Variants in DCHS2 observed in about 807,000 individuals in gnomAD.
DCHS2 encodes the protein dachsous cadherin-related 2.
In DCHS2, 142 loss-of-function variants were observed where a neutral mutation model predicts 182.4. The observed-to-expected ratio is 0.78, with a 90% CI of 0.68 to 0.89. DCHS2 has a LOEUF of 0.89. Among genes scored for constraint, DCHS2 ranks in the 40% least tolerant of loss-of-function variants. DCHS2 has a pLI of 0.00. For synonymous variants in DCHS2, 1,740 were observed against 1,663.3 expected (o/e 1.05, Z -1.12); for missense variants, 4,319 against 4,198.6 (o/e 1.03, Z -0.79).
Position 154,333,362 on chromosome 4 carries a change from G to C in DCHS2, c.2846C>G (p.Thr949Arg), listed in dbSNP as rs757604120. 6.2e-7 allele frequency: 1 copy of C among 1,614,170 alleles called. No homozygotes were observed. Among genetic ancestry groups the C allele is most frequent in the Non-Finnish European group, 8.5e-7 (1 of 1,180,032 alleles). The change falls in exon 5 of 20, where the codon ACG (threonine) becomes AGG (arginine). Residue 949 changes from threonine (T) to arginine (R), a missense_variant. Transcript: ENST00000357232. ...DHETQPVVVL[T>R]VQAQLGSAPA... ...GGCGCTGCCGAGCTGCGCCTGCACC[G>C]TGAGCACAACCACGGGCTGCGTCTC...
Position 154,332,815 on chromosome 4 carries a change from A to G in DCHS2, c.3393T>C (p.Ala1131=). 3 of 1,614,246 alleles carry G rather than the reference A, an allele frequency of 1.9e-6. No homozygotes were observed. The highest frequency in any genetic ancestry group is 2.5e-6 in the Non-Finnish European group (3 of 1,180,044). ...RYSLEPSVDS[A]MFGIRPYTGW... Reference sequence around the variant, plus strand: ...CCGTGTAAGGGCGGATTCCAAACATAGCAGAGTCTACGCTGGGTTCCAGCG... The same window carrying G: ...CCGTGTAAGGGCGGATTCCAAACATGGCAGAGTCTACGCTGGGTTCCAGCG... The change falls in exon 5 of 20, where the codon GCT becomes GCC. Residue 1131 remains alanine (A), a synonymous_variant. Transcript: ENST00000357232.
chr4:154,238,313 G>A (rs1225170703), intron 19 of DCHS2, among the ~76,000 whole-genome samples: 1 of 152,100 alleles, frequency 6.6e-6, no homozygotes, highest in Non-Finnish European at 1.5e-5. Context: ...GGTATTTTGG[G>A]ACTAAATTCC....
chr4:154,465,230 C>T (rs1162726603), intron 1 of DCHS2, among the ~76,000 whole-genome samples: 1 of 152,100 alleles, frequency 6.6e-6, no homozygotes, highest in Non-Finnish European at 1.5e-5. Flanking sequence ...TCTGAAGGAG[C>T]CACCTCCAAG....
intron 1 of DCHS2, among the ~76,000 whole-genome samples, chr4:154,440,552 AC>A (rs1275477004): frequency 1.3e-5 from 2 of 152,022 alleles, no homozygotes; most frequent in South Asian, 2.1e-4. Context: ...ATGTACCATG[AC>A]CCTTTGGAGG....
At chr4:154,347,353 G>T (rs1409374453) in intron 3 of DCHS2, among the ~76,000 whole-genome samples, 1 of 150,944 alleles carries the variant, frequency 6.6e-6, no homozygotes, top group East Asian at 1.9e-4. Flanking sequence ...CATGGAGTCA[G>T]ATTTTTGCAT....
intron 15 of DCHS2, among the ~76,000 whole-genome samples, chr4:154,257,535 TCAC>T (rs964437766): frequency 9.2e-5 from 14 of 152,124 alleles, no homozygotes; most frequent in African/African-American, 3.4e-4. Context: ...GCAAGGCAGT[TCAC>T]CACACCTTTG....
At chr4:154,284,660 TG>T (rs1734305504) in intron 13 of DCHS2, 1 of 152,276 alleles carries the variant, frequency 6.6e-6, no homozygotes, top group Admixed American at 6.5e-5. Context: ...AAAGCAACAC[TG>T]GGCAGAACTC....
chr4:154,352,032 ACT>A (rs1729642334), intron 3 of DCHS2, among the ~76,000 whole-genome samples: 1 of 151,900 alleles, frequency 6.6e-6, no homozygotes, highest in Admixed American at 6.6e-5. Context: ...GCATGAACTA[ACT>A]CCACACACAC....
In DCHS2 at chr4:154,296,371, C is replaced by T. The variant is rs551838763; in HGVS notation, c.6463+1480G>A. ...GAGGGGTGGCATTCACAGTAAAGAG[C>T]GGGGAGTCACTTGGTTAACTTTTCT... On this transcript the variant is annotated intron_variant, in intron 13 of 19. Coordinates refer to ENST00000357232, the MANE Select transcript of DCHS2 (RefSeq NM_001358235.2). Among the ~76,000 whole-genome samples the T allele has an allele frequency of 5.9e-5, 9 of 152,124 alleles. No individual in the cohort carries two copies. The East Asian group carries it at 7.7e-4, about 13-fold the overall frequency.
At position 154,237,107 on chromosome 4, in the gene DCHS2, A is replaced by G. The variant is rs1731563204; in HGVS notation, c.7545T>C (p.Thr2515=). 1 of 1,613,682 alleles carries G rather than the reference A, an allele frequency of 6.2e-7. No homozygotes were observed. The change falls in exon 20 of 20, where the codon ACT becomes ACC. Residue 2515 remains threonine, a synonymous_variant. Transcript: ENST00000357232. The part of the protein sequence containing the change: ...PVLLLDTIST[T]QFLVEASDGG... Reference sequence around the variant, plus strand: ...CATCACTGGCTTCCACAAGAAATTGAGTTGTTGATATTGTATCCAGAAGTA... The same window carrying G: ...CATCACTGGCTTCCACAAGAAATTGGGTTGTTGATATTGTATCCAGAAGTA...
At chr4:154,361,065 A>G (rs1472552342) in intron 3 of DCHS2, among the ~76,000 whole-genome samples, 1 of 151,642 alleles carries the variant, frequency 6.6e-6, no homozygotes, top group Non-Finnish European at 1.5e-5. Flanking sequence ...CCTTGAATAG[A>G]TAAGCTACAT....
chr4:154,349,907 T>C (rs1279991563), intron 3 of DCHS2, among the ~76,000 whole-genome samples: 2 of 152,220 alleles, frequency 1.3e-5, no homozygotes, highest in African/African-American at 4.8e-5. Context: ...TGTGAAATGA[T>C]GATAAATAAA....
At position 154,236,061 on chromosome 4, in the gene DCHS2, A is replaced by G. The variant is rs1218247586; in HGVS notation, c.8591T>C (p.Leu2864Ser). Reference protein sequence around the residue: ...AKDKGDATASLVVWVDIEGID... With the variant: ...AKDKGDATASSVVWVDIEGID... ...CCCTTCAATATCCACCCAGACCACT[A>G]AGGAGGCAGTTGCATCACCTTTGTC... The change falls in exon 20 of 20, where the codon TTA (leucine) becomes TCA (serine). Residue 2864 changes from leucine to serine, a missense_variant. Transcript: ENST00000357232. 11 of 1,613,682 alleles carry G rather than the reference A, an allele frequency of 6.8e-6. No individual in the cohort carries two copies. In the Admixed American group the frequency reaches 1.8e-4, roughly 27 times the overall value.
intron 9 of DCHS2, 45 bp downstream of exon 9, chr4:154,320,334 C>A (rs1316815479): frequency 1.3e-6 from 2 of 1,560,238 alleles, no homozygotes; most frequent in Non-Finnish European, 1.7e-6. Flanking sequence ...TTTCTTACCA[C>A]AATAAAATAA....
intron 5 of DCHS2, chr4:154,331,829 C>T (rs965307151): frequency 2.1e-5 from 23 of 1,116,748 alleles, no homozygotes; most frequent in Admixed American, 6.5e-5. Flanking sequence ...AGATATGTTT[C>T]ATTGTAAGGA....
intron 13 of DCHS2, among the ~76,000 whole-genome samples, chr4:154,288,900 C>T (rs1734528427): frequency 6.6e-6 from 1 of 151,810 alleles, no homozygotes; most frequent in Admixed American, 6.6e-5. Flanking sequence ...GACAAAATAG[C>T]AAATCGTATG....
At chr4:154,396,579 T>G (rs530396899) in intron 1 of DCHS2, among the ~76,000 whole-genome samples, 3 of 152,302 alleles carry the variant, frequency 2.0e-5, no homozygotes, top group Admixed American at 2.0e-4. Flanking sequence ...GCCAACACTT[T>G]GTGCTCAAAG....
At chr4:154,330,762 TATG>T (rs1736487764) in intron 5 of DCHS2, among the ~76,000 whole-genome samples, 1 of 152,232 alleles carries the variant, frequency 6.6e-6, no homozygotes, top group Non-Finnish European at 1.5e-5. Flanking sequence ...ATGCAGTGTT[TATG>T]ATAACTGTTT....
intron 1 of DCHS2, among the ~76,000 whole-genome samples, chr4:154,474,713 T>G (rs1735615730): frequency 1.3e-5 from 2 of 152,226 alleles, no homozygotes; most frequent in Non-Finnish European, 2.9e-5. Flanking sequence ...TGGAGAATTT[T>G]GGACAGGATA....
Sources: allele counts gnomAD v4.1 joint callset (sites outside exome capture counted in the v4.1 genomes callset), GRCh38; gene constraint gnomAD v4.1.1; transcripts MANE v1.5; gene names NCBI Gene and HGNC (gene_info 2026-07-23, HGNC 2026-07-21).